TRIM24: variants seen among roughly 807,000 people sequenced by gnomAD.
TRIM24 encodes the protein tripartite motif containing 24, also known as transcription intermediary factor 1-alpha.
TRIM24 carries 29 observed loss-of-function variants against 123.9 expected under a neutral mutation model. The observed-to-expected ratio is 0.23, with a 90% CI of 0.17 to 0.32. The LOEUF (loss-of-function observed/expected upper bound fraction) is 0.32. Among genes scored for constraint, TRIM24 ranks in the 10% least tolerant of loss-of-function variants. TRIM24 has a pLI of 1.00. For missense variants in TRIM24, 932 were observed against 1,295.3 expected (o/e 0.72, Z 4.31); for synonymous variants, 456 against 461.1 (o/e 0.99, Z 0.14).
intron 6 of TRIM24, among the ~76,000 whole-genome samples, chr7:138,529,779 C>A (rs577522571): frequency 7.2e-5 from 11 of 152,248 alleles, no homozygotes; most frequent in South Asian, 2.1e-4. Flanking sequence ...TTTTAAAACT[C>A]ATGAAGGTCA....
intron 7 of TRIM24, among the ~76,000 whole-genome samples, chr7:138,540,826 G>A (rs1156458369): frequency 2.0e-5 from 3 of 152,082 alleles, no homozygotes; most frequent in African/African-American, 7.2e-5. Flanking sequence ...TATTATACTA[G>A]CCTTATGTAA....
At chr7:138,480,654 C>T (rs1007535434) in intron 1 of TRIM24, among the ~76,000 whole-genome samples, 4 of 151,910 alleles carry the variant, frequency 2.6e-5, no homozygotes, top group African/African-American at 7.3e-5. Context: ...TTTTTAAATA[C>T]GGTAAGGCAG....
At chr7:138,548,876 C>A (rs1797155335) in intron 7 of TRIM24, among the ~76,000 whole-genome samples, 2 of 152,138 alleles carry the variant, frequency 1.3e-5, no homozygotes, top group South Asian at 4.1e-4. Flanking sequence ...TCATCAATAT[C>A]ACTGTCTTAC....
At position 138,584,837 on chromosome 7, in the gene TRIM24, A is replaced by G. The variant is rs1219277694; in HGVS notation, c.3039A>G (p.Pro1013=). ...NLYPEKRFPK[P]EFRNESEDNK... The stretch of plus-strand genomic sequence containing the variant: ...ATCCAGAAAAAAGGTTTCCCAAACC[A>G]GAATTCAGGAATGAATCAGAAGATA... The change falls in exon 19 of 19, where the codon CCA becomes CCG. Residue 1013 remains proline, a synonymous_variant. Transcript: ENST00000343526. 6.2e-7 allele frequency: 1 copy of G among 1,613,628 alleles called. No individual in the cohort carries two copies. Among genetic ancestry groups the G allele is most frequent in the Admixed American group, 1.7e-5 (1 of 59,966 alleles).
intron 5 of TRIM24, among the ~76,000 whole-genome samples, chr7:138,526,658 A>G (rs995972646): frequency 6.6e-6 from 1 of 152,002 alleles, no homozygotes; most frequent in Non-Finnish European, 1.5e-5. Context: ...GTGATCTGCC[A>G]CCTCAGCCTC....
chr7:138,512,045 T>C (rs1042673039), intron 2 of TRIM24, among the ~76,000 whole-genome samples: 11 of 152,342 alleles, frequency 7.2e-5, no homozygotes, highest in African/African-American at 2.6e-4. Context: ...GCAGGCCTTG[T>C]GCAAGTCCAA....
chr7:138,500,471 G>C (rs1177411128), intron 1 of TRIM24, among the ~76,000 whole-genome samples: 1 of 151,184 alleles, frequency 6.6e-6, no homozygotes, highest in Non-Finnish European at 1.5e-5. Context: ...GCTGAAGTGG[G>C]AGAATCACCT....
At chr7:138,506,194 A>G (rs1168659409) in intron 2 of TRIM24, among the ~76,000 whole-genome samples, 1 of 152,252 alleles carries the variant, frequency 6.6e-6, no homozygotes, top group Non-Finnish European at 1.5e-5. Context: ...AGTATCCACA[A>G]TTCTTCCTGA....
At position 138,554,883 on chromosome 7, in the gene TRIM24, C is replaced by G. The variant is rs749239962; in HGVS notation, c.1447C>G (p.Gln483Glu). 1 of 1,614,160 alleles carries G rather than the reference C, an allele frequency of 6.2e-7. No homozygotes were observed. The highest frequency in any genetic ancestry group is 8.5e-7 in the Non-Finnish European group (1 of 1,180,008). The change falls in exon 9 of 19, where the codon CAG (glutamine) becomes GAG (glutamate). Residue 483 changes from glutamine (Q) to glutamate (E), a missense_variant. Around this residue, in one of 7 missense-constraint regions of TRIM24, gnomAD observed 527 missense variants for 691.3 expected, o/e 0.76. Transcript: ENST00000343526. This position sits in a 1 kb window ranked among gnomAD's most constrained non-coding sequence, Gnocchi z 4.5. ...MQQQVMAQRQ[Q>E]VQRRPAPVGL... ...GCAACAGGTAATGGCTCAGAGGCAACAGGTGCAACGGAGGCCAGCACCTGT... is the reference window on the plus strand; with the variant it reads ...GCAACAGGTAATGGCTCAGAGGCAAGAGGTGCAACGGAGGCCAGCACCTGT...
intron 7 of TRIM24, among the ~76,000 whole-genome samples, chr7:138,547,400 C>T (rs1434636311): frequency 6.6e-6 from 1 of 152,006 alleles, no homozygotes; most frequent in Non-Finnish European, 1.5e-5. Flanking sequence ...TAAGTGTTCT[C>T]ATCACAAAAA....
intron 1 of TRIM24, among the ~76,000 whole-genome samples, chr7:138,464,594 C>T (rs1795092010): frequency 6.6e-6 from 1 of 151,866 alleles, no homozygotes; most frequent in Non-Finnish European, 1.5e-5. Flanking sequence ...GATTTTTGAA[C>T]AAAATTTTTC....
intron 7 of TRIM24, among the ~76,000 whole-genome samples, chr7:138,543,965 G>A (rs1797053099): frequency 6.6e-6 from 1 of 152,058 alleles, no homozygotes; most frequent in African/African-American, 2.4e-5. Context: ...TCCCCAAGTA[G>A]CTGGGACTAC....
rs1797989423 is a variant in TRIM24 at position 138,585,191 on chromosome 7, A to T, written c.*240A>T. ...AAATGGAAAGAAGGAAAAAAGGAGG[A>T]TAGAAAAAGGATGGAAGAAAGAAGC... On this transcript the variant is annotated 3_prime_UTR_variant, in exon 19 of 19. Coordinates refer to ENST00000343526, the MANE Select transcript of TRIM24 (RefSeq NM_015905.3). The T allele has an allele frequency of 2.9e-6, 1 of 343,020 alleles. No homozygotes were observed. Among genetic ancestry groups the T allele is most frequent in the Non-Finnish European group, 5.2e-6 (1 of 192,198 alleles). The allele number at this position is 343,020 out of a possible 1,614,324, so 21.2% of individuals were successfully genotyped here. A position where few individuals can be genotyped will look rare whatever the true frequency, so the allele number is the denominator to read the frequency against.
In TRIM24 at chr7:138,589,643, C is replaced by A. The variant is rs1798072496; in HGVS notation, c.*4692C>A. ...CGGGTGGTAAGTATCTTGGATTATT[C>A]TGCCTCATACCAGCCACTCCCAAAG... On this transcript the variant is annotated 3_prime_UTR_variant, in exon 19 of 19. Transcript: ENST00000343526. The A allele has an allele frequency of 6.6e-6, 1 of 152,120 alleles. No homozygotes were observed. The highest frequency in any genetic ancestry group is 1.5e-5 in the Non-Finnish European group (1 of 68,030). The allele number at this position is 152,120 out of a possible 1,614,324, so 9.4% of individuals were successfully genotyped here.
chr7:138,529,175 T>C lies in TRIM24; in HGVS notation c.941T>C (p.Phe314Ser). Residue 314 changes from phenylalanine to serine, a missense_variant, in exon 6 of 19, where the codon TTT (phenylalanine) becomes TCT (serine). Phe to Ser is a radical substitution (Grantham distance 155). Transcript: ENST00000343526. The stretch of plus-strand genomic sequence containing the variant: ...GAACAGGATATTAAAGTTGCTATAT[T>C]TACACTGATGGTAGAAATAAATAAA... ...QVEQDIKVAIFTLMVEINKKG... is the reference protein window; with the variant it reads ...QVEQDIKVAISTLMVEINKKG... 1 of 1,581,948 alleles carries C rather than the reference T, an allele frequency of 6.3e-7. No individual in the cohort carries two copies. Among genetic ancestry groups the C allele is most frequent in the Non-Finnish European group, 8.6e-7 (1 of 1,167,488 alleles).
Position 138,460,436 on chromosome 7 carries a change from C to G in TRIM24, c.-113C>G. ...GCTTTCCCTCCCTCGCTGGCGCTGCCGCGAGTCCACCGAGCGGCCTCTGAG... is the reference window on the plus strand; with the variant it reads ...GCTTTCCCTCCCTCGCTGGCGCTGCGGCGAGTCCACCGAGCGGCCTCTGAG... On this transcript the variant is annotated 5_prime_UTR_variant, in exon 1 of 19. Coordinates refer to ENST00000343526, the MANE Select transcript of TRIM24 (RefSeq NM_015905.3). The G allele has an allele frequency of 8.8e-7, 1 of 1,136,750 alleles. No homozygotes were observed. The highest frequency in any genetic ancestry group is 1.1e-6 in the Non-Finnish European group (1 of 898,798). The allele number at this position is 1,136,750 out of a possible 1,614,324, so 70.4% of individuals were successfully genotyped here. A position where few individuals can be genotyped will look rare whatever the true frequency, so the allele number is the denominator to read the frequency against.
chr7:138,537,242 GC>G (rs1796899871), intron 6 of TRIM24, among the ~76,000 whole-genome samples: 1 of 151,992 alleles, frequency 6.6e-6, no homozygotes, highest in South Asian at 2.1e-4. Context: ...TGTCCGACAA[GC>G]CCCAGTGACA....
At chr7:138,520,331 T>C (rs1419715778) in intron 4 of TRIM24, among the ~76,000 whole-genome samples, 3 of 152,208 alleles carry the variant, frequency 2.0e-5, no homozygotes, top group African/African-American at 4.8e-5. Context: ...GCAACTAAAA[T>C]TGGATTAAAG....
intron 3 of TRIM24, among the ~76,000 whole-genome samples, chr7:138,516,910 A>G (rs867680889): frequency 6.7e-6 from 1 of 149,660 alleles, no homozygotes; most frequent in Middle Eastern, 3.4e-3. Context: ...GGAGTTCTAG[A>G]CCAGCCTTGC....
Sources: allele counts gnomAD v4.1 joint callset (sites outside exome capture counted in the v4.1 genomes callset), GRCh38; gene constraint gnomAD v4.1.1; regional missense constraint gnomAD v4.1.1; non-coding constraint Gnocchi (gnomAD v3.1); transcripts MANE v1.5; gene names NCBI Gene and HGNC (gene_info 2026-07-23, HGNC 2026-07-21).